ANKRD45: variants seen among roughly 807,000 people sequenced by gnomAD.
The protein encoded by ANKRD45 is ankyrin repeat domain 45, also known as ankyrin repeat domain-containing protein 45.
Under a neutral mutation model 28.1 loss-of-function variants are expected in ANKRD45, and 21 were observed. The observed-to-expected ratio is 0.75, with a 90% CI of 0.53 to 1.08. The LOEUF is 1.08. Among genes scored for constraint, ANKRD45 ranks in the 50% least tolerant of loss-of-function variants. The probability of loss-of-function intolerance (pLI) is 0.00; values close to 1 mark genes in which losing one functional copy is unlikely to be tolerated. For synonymous variants in ANKRD45, 86 were observed against 103.9 expected, an observed-to-expected ratio of 0.83 and a Z score of 1.05; for missense variants, 261 against 308.7, an observed-to-expected ratio of 0.85 and a Z score of 1.16.
At chr1:173,627,223 A>C in intron 3 of ANKRD45, 64 bp from the exon 4 acceptor site, 2 of 1,102,418 alleles carry the variant, frequency 1.8e-6, no homozygotes, top group Non-Finnish European at 2.7e-6. Flanking sequence ...CAAGATAGTC[A>C]AATGGAAGCC....
chr1:173,681,036 C>T, the ANKRD45 span, among the ~76,000 whole-genome samples: 4 of 151,742 alleles, frequency 2.6e-5, no homozygotes, highest in South Asian at 2.1e-4. Context: ...ATGTAGATGA[C>T]GGGTTGATGG....
At position 173,610,714 on chromosome 1, in the gene ANKRD45, T is replaced by C. The variant is rs143124561; in HGVS notation, c.731-499A>G. Among the ~76,000 whole-genome samples the C allele has an allele frequency of 7.9e-5, 12 of 151,876 alleles. No individual in the cohort carries two copies. The East Asian group carries it at 2.3e-3, about 29-fold the overall frequency. On this transcript the variant is annotated intron_variant, in intron 5 of 5. Transcript: ENST00000333279. ...CGTATATCCAATAGTCCCAGCTACT[T>C]AGGAGGCTGAGGCAGGAGGACTGTT...
intron 5 of ANKRD45, among the ~76,000 whole-genome samples, chr1:173,618,025 A>AGAAAACT (rs1667541020): frequency 6.6e-6 from 1 of 152,190 alleles, no homozygotes; most frequent in Non-Finnish European, 1.5e-5. Flanking sequence ...GCCATCCCCC[A>AGAAAACT]GCAAACTGCA....
At chr1:173,664,944 G>A (rs974408289) in intron 1 of ANKRD45, among the ~76,000 whole-genome samples, 2 of 151,908 alleles carry the variant, frequency 1.3e-5, no homozygotes, top group Admixed American at 1.3e-4. Flanking sequence ...GCATAATACT[G>A]GGCAATTTAC....
chr1:173,637,145 C>A, intron 3 of ANKRD45: 1 of 827,488 alleles, frequency 1.2e-6, no homozygotes, highest in Non-Finnish European at 1.8e-6. Context: ...CTTTTTGCCA[C>A]AATCTTTACT....
the ANKRD45 span, among the ~76,000 whole-genome samples, chr1:173,705,501 G>GAA: frequency 2.4e-5 from 3 of 126,060 alleles, no homozygotes; most frequent in Non-Finnish European, 3.5e-5. Context: ...TGTCTCTATA[G>GAA]AAAAAAAAAA....
At position 173,651,427 on chromosome 1, in the gene ANKRD45, C is replaced by T. The variant is rs188750010; in HGVS notation, c.329-4414G>A. Among the ~76,000 whole-genome samples, 136 of 152,118 alleles carry T rather than the reference C, an allele frequency of 8.9e-4. 1 individual carries two copies. The highest frequency in any genetic ancestry group is 3.2e-3 in the African/African-American group (132 of 41,498). ...TAGATGTGTGGTGTTATTTCTGAGGCCTCTGTTCTGTTCCATTGGTCTATA... is the reference window on the plus strand; with the variant it reads ...TAGATGTGTGGTGTTATTTCTGAGGTCTCTGTTCTGTTCCATTGGTCTATA... On this transcript the variant is annotated intron_variant, in intron 2 of 5. Coordinates refer to ENST00000333279, the MANE Select transcript of ANKRD45 (RefSeq NM_198493.3).
the ANKRD45 span, among the ~76,000 whole-genome samples, chr1:173,706,170 C>T: frequency 1.3e-5 from 2 of 151,534 alleles, no homozygotes; most frequent in Admixed American, 6.6e-5. Flanking sequence ...GGCATGGTGG[C>T]GTGCGCCTGT....
the ANKRD45 span, among the ~76,000 whole-genome samples, chr1:173,699,236 C>T: frequency 6.6e-6 from 1 of 152,088 alleles, no homozygotes; most frequent in Non-Finnish European, 1.5e-5. Context: ...TGAATTCTAC[C>T]AGAGGTACAA....
chr1:173,638,362 A>G lies in ANKRD45; in HGVS notation c.496+8484T>C, dbSNP rs182519763. ...AGAATAGGCGAGACATCCCTAGCAC[A>G]AGGGATTGGGCCTATCTAGGATCCA... On this transcript the variant is annotated intron_variant, in intron 3 of 5. Transcript: ENST00000333279. Among the ~76,000 whole-genome samples the G allele has an allele frequency of 2.4e-4, 36 of 152,206 alleles. No homozygotes were observed. The East Asian group carries it at 6.0e-3, about 25-fold the overall frequency.
At chr1:173,653,997 GTC>G (rs566506689) in intron 2 of ANKRD45, among the ~76,000 whole-genome samples, 1,661 of 137,954 alleles carry the variant, frequency 0.012, 42 homozygotes, top group African/African-American at 0.043. Context: ...GCATATGTGT[GTC>G]TCTGCACATG....
the ANKRD45 span, among the ~76,000 whole-genome samples, chr1:173,704,885 G>A: frequency 6.6e-6 from 1 of 152,224 alleles, no homozygotes; most frequent in Non-Finnish European, 1.5e-5. Flanking sequence ...CAGGGCAGAG[G>A]GAGAAGCTGG....
Position 173,659,149 on chromosome 1 carries a change from A to C in ANKRD45, c.270T>G (p.Ser90Arg). Reference protein sequence around the residue: ...LLYAACMAGQSDVIRALAKYG... With the variant: ...LLYAACMAGQRDVIRALAKYG... ...ATTTTGCCAAAGCTCTAATCACGTC[A>C]CTTTGCCCAGCCATGCAAGCTGCAT... The change falls in exon 2 of 6, where the codon AGT (serine) becomes AGG (arginine). Residue 90 changes from serine to arginine, a missense_variant. Ser to Arg is a moderately radical substitution (Grantham distance 110). Transcript: ENST00000333279. 6.2e-7 allele frequency: 1 copy of C among 1,614,172 alleles called. No individual in the cohort carries two copies. The highest frequency in any genetic ancestry group is 2.2e-5 in the East Asian group (1 of 44,880).
intron 1 of ANKRD45, among the ~76,000 whole-genome samples, chr1:173,663,054 A>AACACAC (rs60072209): frequency 0.012 from 1,647 of 140,316 alleles, 29 homozygotes; most frequent in African/African-American, 0.037. Context: ...CCACCCTTCC[A>AACACAC]ACACACACAC....
chr1:173,689,493 G>A, the ANKRD45 span, among the ~76,000 whole-genome samples: 3 of 152,212 alleles, frequency 2.0e-5, 1 homozygote, highest in African/African-American at 7.2e-5. Flanking sequence ...TTAGAGGACG[G>A]TCTTCCCAAT....
At chr1:173,675,220 A>G in the ANKRD45 span, 1 of 229,780 alleles carries the variant, frequency 4.4e-6, no homozygotes. Context: ...TTTAAAAAAA[A>G]GTATAGCTTA....
chr1:173,670,994 C>T (rs2102407450), upstream of ANKRD45, among the ~76,000 whole-genome samples: 1 of 152,276 alleles, frequency 6.6e-6, no homozygotes, highest in South Asian at 2.1e-4. Context: ...GAATTTATCA[C>T]CTAGTGTGCA....
the ANKRD45 span, among the ~76,000 whole-genome samples, chr1:173,698,498 G>A: frequency 6.6e-6 from 1 of 151,344 alleles, no homozygotes; most frequent in Non-Finnish European, 1.5e-5. Flanking sequence ...AATTAAATTA[G>A]AATGCAGGAT....
At chr1:173,635,885 T>G in intron 3 of ANKRD45, 1 of 1,397,184 alleles carries the variant, frequency 7.2e-7, no homozygotes, top group Non-Finnish European at 9.6e-7. Flanking sequence ...ACAAAATCTC[T>G]AAGGGTTTAG....
Sources: gnomAD v4.1 joint callset for allele counts (sites outside exome capture counted in the v4.1 genomes callset) on GRCh38, gnomAD v4.1.1 for gene constraint, MANE v1.5 for transcripts, NCBI Gene and HGNC (gene_info 2026-07-23, HGNC 2026-07-21) for gene names.